The following MYO6 variants were observed in gnomAD, a reference collection of about 807,000 sequenced individuals.
The protein encoded by MYO6 is myosin VI.
Under a neutral mutation model 178.7 loss-of-function variants are expected in MYO6, and 74 were observed. That is an observed-to-expected ratio of 0.41 (90% CI 0.34 to 0.50). The LOEUF is 0.50. MYO6 is among the 20% of genes least tolerant of loss of function. The pLI is 0.09. For missense variants in MYO6, 1,330 were observed against 1,547.4 expected (o/e 0.86, Z 2.36); for synonymous variants, 477 against 504.6 (o/e 0.95, Z 0.73).
At chr6:75,849,878 T>C (rs1775096513) in intron 11 of MYO6, among the ~76,000 whole-genome samples, 1 of 152,064 alleles carries the variant, frequency 6.6e-6, no homozygotes, top group Admixed American at 6.6e-5. Context: ...GAGACGGGAA[T>C]TTACGGGACT....
chr6:75,869,787 C>T (rs1776987538), intron 18 of MYO6, among the ~76,000 whole-genome samples: 1 of 152,066 alleles, frequency 6.6e-6, no homozygotes. Context: ...ATTGTCCAAG[C>T]ATTTAAAAAT....
chr6:75,780,937 A>G (rs1766919422), intron 1 of MYO6, among the ~76,000 whole-genome samples: 3 of 151,756 alleles, frequency 2.0e-5, no homozygotes, highest in African/African-American at 7.3e-5. Flanking sequence ...CCTCCCGAGT[A>G]GAGTAGCTGG....
intron 1 of MYO6, among the ~76,000 whole-genome samples, chr6:75,786,754 A>G (rs968621575): frequency 6.6e-6 from 1 of 152,246 alleles, no homozygotes; most frequent in Admixed American, 6.5e-5. Flanking sequence ...CTCTGTACAT[A>G]TACATACATA....
chr6:75,756,948 TGTGTATATATGTATACACACATATATA>T, intron 1 of MYO6, among the ~76,000 whole-genome samples: 4 of 32,446 alleles, frequency 1.2e-4, no homozygotes, highest in African/African-American at 2.9e-4. Flanking sequence ...TGTGTATATA[TGTGTATATATGTATACACACATATATA>T]GTGTGTATAT....
chr6:75,885,858 C>CCTTTTTTG, intron 23 of MYO6, 146 bp from the exon 24 acceptor site: 1 of 612,474 alleles, frequency 1.6e-6, no homozygotes, highest in Non-Finnish European at 2.9e-6. Context: ...GGTGTTAAAA[C>CCTTTTTTG]TTTGTTTTTG....
At chr6:75,770,993 T>C (rs970264149) in intron 1 of MYO6, among the ~76,000 whole-genome samples, 8 of 150,844 alleles carry the variant, frequency 5.3e-5, no homozygotes, top group African/African-American at 2.0e-4. Flanking sequence ...TAACAGCACT[T>C]TTTTTTTTCT....
At chr6:75,833,732 T>G (rs1411850283) in intron 6 of MYO6, among the ~76,000 whole-genome samples, 1 of 152,208 alleles carries the variant, frequency 6.6e-6, no homozygotes, top group Non-Finnish European at 1.5e-5. Context: ...TACATTTTGT[T>G]TATCCATGCA....
chr6:75,805,019 A>ATTTTT (rs1285917454), intron 1 of MYO6, among the ~76,000 whole-genome samples: 2 of 61,376 alleles, frequency 3.3e-5, no homozygotes, highest in African/African-American at 2.2e-4. Context: ...ATATATATAT[A>ATTTTT]TATTTTTTTT....
Position 75,822,839 on chromosome 6 carries a change from G to A in MYO6, c.175G>A (p.Val59Met), listed in dbSNP as rs1398417381. Residue 59 changes from valine to methionine, a missense_variant, in exon 3 of 35, where the codon GTG becomes ATG. Around this residue, in one of 3 missense-constraint regions of MYO6, gnomAD observed 116 missense variants for 104.6 expected, o/e 1.11. Transcript: ENST00000369977. ...TGCAGAAGAGGACAGTAAAAAAGATGTGGAAGATAACTGTAAGTACCAAGT... is the reference window on the plus strand; with the variant it reads ...TGCAGAAGAGGACAGTAAAAAAGATATGGAAGATAACTGTAAGTACCAAGT... ...FPAEEDSKKD[V>M]EDNCSLMYLN... 3 of 1,612,950 alleles carry A rather than the reference G, an allele frequency of 1.9e-6. No individual in the cohort carries two copies. Among genetic ancestry groups the A allele is most frequent in the Non-Finnish European group, 2.5e-6 (3 of 1,179,214 alleles).
At chr6:75,765,487 A>G (rs1778338797) in intron 1 of MYO6, among the ~76,000 whole-genome samples, 1 of 152,066 alleles carries the variant, frequency 6.6e-6, no homozygotes, top group African/African-American at 2.4e-5. Flanking sequence ...AAAAATAAAC[A>G]TTTCTTTTTG....
rs141336988 is a variant in MYO6, at chr6:75,803,187, A to G, written c.-47-14314A>G. ...AATCAGTTCTCACAATTCAGATTGT[A>G]TTGTATTTATAGTAATTTTCCTGGT... On this transcript the variant is annotated intron_variant, in intron 1 of 34. Transcript: ENST00000369977. Among the ~76,000 whole-genome samples the G allele has an allele frequency of 3.2e-4, 49 of 152,306 alleles. No homozygotes were observed. The East Asian group carries it at 8.1e-3, about 25-fold the overall frequency.
At chr6:75,771,220 TC>T (rs1199209524) in intron 1 of MYO6, among the ~76,000 whole-genome samples, 6 of 152,202 alleles carry the variant, frequency 3.9e-5, no homozygotes, top group Admixed American at 2.6e-4. Context: ...CAGGCTTGTC[TC>T]AAACTCCTAA....
At chr6:75,894,800 A>T in intron 28 of MYO6, 1 of 1,515,600 alleles carries the variant, frequency 6.6e-7, no homozygotes, top group South Asian at 1.3e-5. Context: ...AGCAATTTTA[A>T]GTTACTTTTC....
chr6:75,867,297 A>G, intron 18 of MYO6, 192 bp downstream of exon 18: 1 of 526,764 alleles, frequency 1.9e-6, no homozygotes, highest in Non-Finnish European at 3.3e-6. Flanking sequence ...AATGCTTGTA[A>G]TTATCTGAAT....
At chr6:75,880,163 C>T in intron 22 of MYO6, 43 bp downstream of exon 22, 1 of 1,390,148 alleles carries the variant, frequency 7.2e-7, no homozygotes, top group Non-Finnish European at 1.0e-6. Flanking sequence ...ATCATGAAAA[C>T]AAATAGTTGG....
intron 6 of MYO6, 47 bp downstream of exon 6, chr6:75,832,994 T>A (rs765367425): frequency 1.5e-6 from 2 of 1,348,026 alleles, no homozygotes; most frequent in Non-Finnish European, 1.1e-6. Flanking sequence ...TGATCTTTTT[T>A]TTCCCCCCTT....
intron 30 of MYO6, among the ~76,000 whole-genome samples, chr6:75,901,466 A>G (rs1040835578): frequency 2.6e-5 from 4 of 151,932 alleles, no homozygotes; most frequent in African/African-American, 9.7e-5. Context: ...ATTCCTAGGT[A>G]TTTTATTCTC....
At chr6:75,860,451 C>A (rs114879864) in intron 14 of MYO6, among the ~76,000 whole-genome samples, 97 of 152,300 alleles carry the variant, frequency 6.4e-4, no homozygotes, top group African/African-American at 2.3e-3. Context: ...AAAACTTTAT[C>A]TAGAAATATT....
At chr6:75,854,580 C>T (rs574955297) in intron 11 of MYO6, among the ~76,000 whole-genome samples, 3 of 152,136 alleles carry the variant, frequency 2.0e-5, no homozygotes, top group South Asian at 2.1e-4. Context: ...CTTTTGGTCC[C>T]AAGCATTTCA....
Sources: gnomAD v4.1 joint callset for allele counts (sites outside exome capture counted in the v4.1 genomes callset) on GRCh38, gnomAD v4.1.1 for gene constraint, gnomAD v4.1.1 regional missense constraint, MANE v1.5 for transcripts, NCBI Gene and HGNC (gene_info 2026-07-23, HGNC 2026-07-21) for gene names.